The following GPCPD1 variants were observed in gnomAD, a reference collection of about 807,000 sequenced individuals.
GPCPD1 encodes the protein glycerophosphocholine phosphodiesterase 1, also known as glycerophosphocholine phosphodiesterase GPCPD1.
In GPCPD1, 29 loss-of-function variants were observed where a neutral mutation model predicts 89.2. The observed-to-expected ratio is 0.33, with a 90% CI of 0.24 to 0.44. The LOEUF (loss-of-function observed/expected upper bound fraction) is 0.44, where lower values mean the gene tolerates loss of function less well. Among genes scored for constraint, GPCPD1 ranks in the 20% least tolerant of loss-of-function variants. The probability of loss-of-function intolerance (pLI) is 1.00; values close to 1 mark genes in which losing one functional copy is unlikely to be tolerated. For missense variants in GPCPD1, 594 were observed against 808.9 expected, an observed-to-expected ratio of 0.73 and a Z score of 3.22; for synonymous variants, 258 against 266.3, an observed-to-expected ratio of 0.97 and a Z score of 0.30.
rs369805465 is a variant in GPCPD1, at chr20:5,578,358, C to T, written c.705+22G>A. 6 of 1,309,384 alleles carry T rather than the reference C, an allele frequency of 4.6e-6. No homozygotes were observed. The African/African-American group carries it at 5.8e-5, about 13-fold the overall frequency. The allele number at this position is 1,309,384 out of a possible 1,614,324, so 81.1% of individuals were successfully genotyped here. ...TTGTCCCTGCATTCTTTCTCAATCC[C>T]CTCACTGCAGTAACTACTCACTTCG... is the stretch of plus-strand genomic sequence containing the variant. On this transcript the variant is annotated intron_variant, in intron 8 of 19. Transcript: ENST00000379019.
chr20:5,561,938 T>C (rs1600724856), intron 15 of GPCPD1, among the ~76,000 whole-genome samples: 3 of 152,312 alleles, frequency 2.0e-5, no homozygotes, highest in African/African-American at 7.2e-5. Flanking sequence ...CTAAAATCTA[T>C]GAAAAACCAT....
chr20:5,586,133 T>C (rs1398285964), intron 5 of GPCPD1, 61 bp downstream of exon 5: 6 of 771,518 alleles, frequency 7.8e-6, no homozygotes, highest in East Asian at 2.6e-5. Context: ...CACTAAGCCA[T>C]TGTGCAGCAT....
At chr20:5,577,049 A>T (rs529001347) in intron 8 of GPCPD1, among the ~76,000 whole-genome samples, 3 of 144,818 alleles carry the variant, frequency 2.1e-5, no homozygotes, top group African/African-American at 5.1e-5. Context: ...ACAAAAAAAA[A>T]GTTGTTTTTT....
In GPCPD1 at chr20:5,584,268, C is replaced by G. The variant is rs1317808617; in HGVS notation, c.349+13G>C. 2 of 1,234,348 alleles carry G rather than the reference C, an allele frequency of 1.6e-6. No individual in the cohort carries two copies. Among genetic ancestry groups the G allele is most frequent in the Non-Finnish European group, 2.4e-6 (2 of 841,330 alleles). 76.5% of individuals were successfully genotyped at this position (1,234,348 alleles called of 1,614,324 possible). Reference sequence around the variant, plus strand: ...CATTTCAGTAAACATTTAAGTAAGTCAGTCTCACTTACTGTGGATTCCAAA... The same window carrying G: ...CATTTCAGTAAACATTTAAGTAAGTGAGTCTCACTTACTGTGGATTCCAAA... On this transcript the variant is annotated intron_variant, in intron 6 of 19. Coordinates refer to ENST00000379019, the MANE Select transcript of GPCPD1 (RefSeq NM_019593.5).
intron 4 of GPCPD1, among the ~76,000 whole-genome samples, chr20:5,587,051 C>G (rs542628185): frequency 1.3e-5 from 2 of 152,276 alleles, no homozygotes; most frequent in South Asian, 4.1e-4. Context: ...GTGTTGATAA[C>G]ATATGCGGTA....
At chr20:5,603,831 C>T (rs530782263) in intron 2 of GPCPD1, among the ~76,000 whole-genome samples, 1 of 151,198 alleles carries the variant, frequency 6.6e-6, no homozygotes, top group South Asian at 2.1e-4. Flanking sequence ...ACTGCAACCT[C>T]TGCCTCCTGG....
chr20:5,586,038 T>A (rs1168450735), intron 5 of GPCPD1, 156 bp downstream of exon 5: 4 of 441,986 alleles, frequency 9.1e-6, no homozygotes, highest in Non-Finnish European at 1.6e-5. Context: ...AACTGTTGTT[T>A]TGAAAGATCC....
At chr20:5,610,719 C>G (rs1004377696) in intron 1 of GPCPD1, 123 bp downstream of exon 1, 2 of 141,538 alleles carry the variant, frequency 1.4e-5, no homozygotes, top group African/African-American at 5.3e-5. Context: ...CCCGGCCCGG[C>G]CCGAGGACCC....
rs879662440 is a variant in GPCPD1 at position 5,600,827 on chromosome 20, TA to T, written c.50-2007del. ...AGCCTGGGCGACAGAGCGAGACTCTTAAAAAAAAAAAAATTAGCCGGGTATG... is the reference window on the plus strand; with the variant it reads ...AGCCTGGGCGACAGAGCGAGACTCTTAAAAAAAAAAAATTAGCCGGGTATG... On this transcript the variant is annotated intron_variant, in intron 2 of 19. Transcript: ENST00000379019. Among the ~76,000 whole-genome samples the T allele has an allele frequency of 1.4e-3, 187 of 130,756 alleles. 1 individual carries two copies. Among genetic ancestry groups the T allele is most frequent in the Admixed American group, 1.5e-3 (20 of 13,248 alleles). 85.8% of individuals were successfully genotyped at this position (130,756 alleles called of 152,430 possible). A position where few individuals can be genotyped will look rare whatever the true frequency, so the allele number is the denominator to read the frequency against.
intron 4 of GPCPD1, among the ~76,000 whole-genome samples, chr20:5,592,717 T>C (rs1979416136): frequency 6.6e-6 from 1 of 152,170 alleles, no homozygotes; most frequent in Non-Finnish European, 1.5e-5. Context: ...ATCTTTAGAA[T>C]AAAAGGAAAA....
At chr20:5,601,653 G>C (rs1980162640) in intron 2 of GPCPD1, among the ~76,000 whole-genome samples, 2 of 152,156 alleles carry the variant, frequency 1.3e-5, no homozygotes, top group South Asian at 4.1e-4. Context: ...ACAGGCATGA[G>C]CCACCATGCC....
rs897526273 is a variant in GPCPD1, at chr20:5,544,562, C to T, written c.*3099G>A. 2.0e-5 allele frequency: 3 copies of T among 152,156 alleles called. No individual in the cohort carries two copies. The East Asian group carries it at 5.8e-4, about 29-fold the overall frequency. 9.4% of individuals were successfully genotyped at this position (152,156 alleles called of 1,614,324 possible). A position where few individuals can be genotyped will look rare whatever the true frequency, so the allele number is the denominator to read the frequency against. On this transcript the variant is annotated 3_prime_UTR_variant, in exon 20 of 20. Transcript: ENST00000379019. ...CAATCTTACTGGAGAATATAACAGG[C>T]ACATAAGAAGCTGGACTACAAGGAA...
At chr20:5,555,895 G>GA (rs1359959379) in intron 19 of GPCPD1, among the ~76,000 whole-genome samples, 1 of 152,148 alleles carries the variant, frequency 6.6e-6, no homozygotes, top group African/African-American at 2.4e-5. Context: ...TACTGTGGGT[G>GA]AAAAATGCTC....
intron 11 of GPCPD1, 94 bp downstream of exon 11, chr20:5,573,821 A>G (rs1300303699): frequency 1.3e-6 from 1 of 789,718 alleles, no homozygotes; most frequent in Non-Finnish European, 2.3e-6. Flanking sequence ...AAATGCCAAG[A>G]GATATTCCCC....
rs4318455 is a variant in GPCPD1, at chr20:5,557,405, T to C, written c.1829+540A>G. Among the ~76,000 whole-genome samples, 1,106 of 152,300 alleles carry C rather than the reference T, an allele frequency of 7.3e-3. 11 individuals are homozygous for C. Among genetic ancestry groups the C allele is most frequent in the African/African-American group, 0.026 (1,062 of 41,562 alleles). On this transcript the variant is annotated intron_variant, in intron 19 of 19. Coordinates refer to ENST00000379019, the MANE Select transcript of GPCPD1 (RefSeq NM_019593.5). ...TGAGTAGTCTGATTCAGGATATATT[T>C]TGAAGACAGAACAAAAAGATTTTCT...
intron 16 of GPCPD1, 66 bp from the exon 17 acceptor site, chr20:5,560,142 T>C: frequency 8.7e-7 from 1 of 1,154,526 alleles, no homozygotes. Context: ...CAACTCTGTT[T>C]TTATTCTGGC....
In GPCPD1 at chr20:5,560,052, A is replaced by G. The variant is rs569976354; in HGVS notation, c.1420T>C (p.Ser474Pro). The change falls in exon 17 of 20, where the codon TCA (serine) becomes CCA (proline). Residue 474 changes from serine (S) to proline (P), a missense_variant. Transcript: ENST00000379019. The part of the protein sequence containing the change: ...QRDGMWDGNL[S>P]TYFDMNLFLD... ...AACAGATTCATGTCAAAATATGTTG[A>G]TAAGTTACCATCCCACATTCCATCC... 1.3e-6 allele frequency: 2 copies of G among 1,578,952 alleles called. No homozygotes were observed. Among genetic ancestry groups the G allele is most frequent in the Middle Eastern group, 1.7e-4 (1 of 5,962 alleles).
chr20:5,560,170 C>A (rs370689924), intron 16 of GPCPD1, 94 bp from the exon 17 acceptor site: 7 of 775,426 alleles, frequency 9.0e-6, no homozygotes, highest in East Asian at 2.9e-5. Flanking sequence ...GATGAAAAAA[C>A]CCCTGACAGT....
chr20:5,553,270 A>G (rs1184166425), intron 19 of GPCPD1, among the ~76,000 whole-genome samples: 2 of 152,186 alleles, frequency 1.3e-5, no homozygotes, highest in African/African-American at 4.8e-5. Context: ...TGATGTCACT[A>G]TTGTAATTGT....
Sources: allele counts gnomAD v4.1 joint callset (sites outside exome capture counted in the v4.1 genomes callset), GRCh38; gene constraint gnomAD v4.1.1; transcripts MANE v1.5; gene names NCBI Gene and HGNC (gene_info 2026-07-23, HGNC 2026-07-21).